DNAH14: variants seen among roughly 807,000 people sequenced by gnomAD.
The protein encoded by DNAH14 is axonemal beta dynein heavy chain 14.
Under a neutral mutation model 520.9 loss-of-function variants are expected in DNAH14, and 478 were observed. The ratio of observed to expected loss-of-function variants is 0.92; its 90% CI spans 0.85 to 0.99. The LOEUF (loss-of-function observed/expected upper bound fraction) is 0.99. Among genes scored for constraint, DNAH14 ranks in the 50% least tolerant of loss-of-function variants. The pLI, the probability that DNAH14 is intolerant of heterozygous loss-of-function variation, is 0.00. For synonymous variants in DNAH14, 1,581 were observed against 1,757.2 expected, an observed-to-expected ratio of 0.90 and a Z score of 2.51; for missense variants, 4,831 against 5,234.5, an observed-to-expected ratio of 0.92 and a Z score of 2.38.
intron 16 of DNAH14, among the ~76,000 whole-genome samples, chr1:225,050,771 A>C (rs2148307310): frequency 6.6e-6 from 1 of 152,320 alleles, no homozygotes; most frequent in South Asian, 2.1e-4. Context: ...GTGAGGTCAC[A>C]TACTATATAC....
At chr1:225,326,777 A>T (rs775097144) in intron 64 of DNAH14, among the ~76,000 whole-genome samples, 1 of 152,192 alleles carries the variant, frequency 6.6e-6, no homozygotes, top group Non-Finnish European at 1.5e-5. Context: ...TAGAAACTCT[A>T]TGTAAACAAA....
At chr1:224,965,123 A>G (rs2061080728) in intron 5 of DNAH14, among the ~76,000 whole-genome samples, 1 of 152,106 alleles carries the variant, frequency 6.6e-6, no homozygotes, top group Non-Finnish European at 1.5e-5. Flanking sequence ...ACATGACCAG[A>G]GGGTGAAAGC....
At chr1:225,213,754 T>C (rs1027079048) in intron 41 of DNAH14, among the ~76,000 whole-genome samples, 12 of 152,180 alleles carry the variant, frequency 7.9e-5, no homozygotes, top group African/African-American at 2.9e-4. Context: ...TGCATATTGA[T>C]TTTGTATTGT....
At chr1:225,314,622 G>C (rs1473162658) in intron 60 of DNAH14, among the ~76,000 whole-genome samples, 1 of 152,190 alleles carries the variant, frequency 6.6e-6, no homozygotes, top group African/African-American at 2.4e-5. Context: ...GCTCTTATAA[G>C]GTAGGCCTGA....
chr1:225,340,711 G>C lies in DNAH14; in HGVS notation c.10678+10G>C. The C allele has an allele frequency of 6.5e-7, 1 of 1,548,446 alleles. No homozygotes were observed. Among genetic ancestry groups the C allele is most frequent in the Non-Finnish European group, 8.7e-7 (1 of 1,145,270 alleles). ...CTGCAGAAAGCACTAGGTAAGTCAA[G>C]ATATTTAGTGATAGTAAGAGATCTT... On this transcript the variant is annotated intron_variant, in intron 69 of 85. Transcript: ENST00000682510.
intron 1 of DNAH14, among the ~76,000 whole-genome samples, chr1:224,941,690 G>A (rs971483147): frequency 6.6e-5 from 10 of 152,128 alleles, no homozygotes; most frequent in African/African-American, 2.4e-4. Context: ...TTTATACCAG[G>A]TGTAAGGAAG....
Position 225,030,629 on chromosome 1 carries a change from A to G in DNAH14, c.1358+6764A>G, listed in dbSNP as rs142611956. On this transcript the variant is annotated intron_variant, in intron 11 of 85. Transcript: ENST00000682510. ...ATCACTCCAGTAGTTTGTTGAAAAG[A>G]CTAATCTTCCTCCAGACAATTACCC... Among the ~76,000 whole-genome samples the G allele has an allele frequency of 7.3e-4, 111 of 152,078 alleles. 1 individual carries two copies. The highest frequency in any genetic ancestry group is 2.6e-3 in the African/African-American group (109 of 41,548).
rs544568651 is a variant in DNAH14, at chr1:225,235,139, C to T, written c.6518+3988C>T. Among the ~76,000 whole-genome samples the T allele has an allele frequency of 9.7e-4, 148 of 152,232 alleles. 2 individuals carry two copies. The South Asian group carries it at 0.013, about 13-fold the overall frequency. ...TCTTGTGCCAGTTTTCAAGAAGAAT[C>T]CCTCCAGCTTTTGCCCATTCAGTAT... On this transcript the variant is annotated intron_variant, in intron 42 of 85. Transcript: ENST00000682510.
At chr1:225,204,328 C>A in intron 39 of DNAH14, 55 bp downstream of exon 39, 1 of 984,106 alleles carries the variant, frequency 1.0e-6, no homozygotes, top group Non-Finnish European at 1.5e-6. Flanking sequence ...AACTCTCAAC[C>A]AATATGAGCT....
At position 225,089,467 on chromosome 1, in the gene DNAH14, AGAGC is replaced by A. The variant is rs796686087; in HGVS notation, c.3573+3682_3573+3685del. Among the ~76,000 whole-genome samples, 17 of 133,664 alleles carry A rather than the reference AGAGC, an allele frequency of 1.3e-4. 1 individual carries two copies. Among genetic ancestry groups the A allele is most frequent in the African/African-American group, 4.5e-4 (14 of 30,926 alleles). The allele number at this position is 133,664 out of a possible 152,430, so 87.7% of individuals were successfully genotyped here. ...CAAAAAAAAAAAAAAAAAAAAAAAG[AGAGC>A]GAGAGAAAGAAAAGAAAAGAAAAAA... On this transcript the variant is annotated intron_variant, in intron 21 of 85. Coordinates refer to ENST00000682510, the MANE Select transcript of DNAH14 (RefSeq NM_001367479.1).
At chr1:224,962,785 C>T (rs2060924787) in intron 4 of DNAH14, among the ~76,000 whole-genome samples, 1 of 152,074 alleles carries the variant, frequency 6.6e-6, no homozygotes, top group African/African-American at 2.4e-5. Context: ...GTTATGTGTT[C>T]CTTATATTTT....
chr1:225,036,641 C>T (rs1310330960), intron 11 of DNAH14, among the ~76,000 whole-genome samples: 1 of 152,084 alleles, frequency 6.6e-6, no homozygotes, highest in African/African-American at 2.4e-5. Context: ...CTTATTAAGG[C>T]CTACTGTTTT....
rs2074865116 is a variant in DNAH14 at position 225,095,408 on chromosome 1, AAAT to A, written c.3574-1708_3574-1706del. 3.3e-5 allele frequency among the ~76,000 whole-genome samples: 5 copies of A among 152,296 alleles called. 1 individual carries two copies. The South Asian group carries it at 1.0e-3, about 32-fold the overall frequency. On this transcript the variant is annotated intron_variant, in intron 21 of 85. Coordinates refer to ENST00000682510, the MANE Select transcript of DNAH14 (RefSeq NM_001367479.1). ...CAAACTAAGACAGGAACAGTAAACCAAATATTGCATGTTCTCACTCATAAATGG... is the reference window on the plus strand; with the variant it reads ...CAAACTAAGACAGGAACAGTAAACCAATTGCATGTTCTCACTCATAAATGG...
intron 69 of DNAH14, among the ~76,000 whole-genome samples, chr1:225,344,647 G>A (rs1160909914): frequency 6.6e-6 from 1 of 152,014 alleles, no homozygotes; most frequent in African/African-American, 2.4e-5. Flanking sequence ...CATTTAGGTT[G>A]ATTACATGCC....
rs758926789 is a variant in DNAH14 at position 225,207,133 on chromosome 1, A to G, written c.6352A>G (p.Met2118Val). The G allele has an allele frequency of 3.9e-6, 6 of 1,551,154 alleles. No individual in the cohort carries two copies. The highest frequency in any genetic ancestry group is 5.2e-6 in the Non-Finnish European group (6 of 1,146,630). The change falls in exon 41 of 86, where the codon ATG becomes GTG. Residue 2118 changes from methionine (M) to valine (V), a missense_variant. Coordinates refer to ENST00000682510, the MANE Select transcript of DNAH14 (RefSeq NM_001367479.1). ...RNRQKFQPYP[M>V]EDITVVITLC... ...TCGTCAGAAATTTCAGCCATATCCT[A>G]TGGAGGACATAACAGTCGTCATAAC...
rs141871038 is a variant in DNAH14, at chr1:225,344,700, T to TTTAC, written c.10679-1259_10679-1258insCTTA. ...TGAAAACTAGCCATTCTTTTATTTA[T>TTTAC]TTATTTATTTATTTATTTATTTATT... is the stretch of plus-strand genomic sequence containing the variant. On this transcript the variant is annotated intron_variant, in intron 69 of 85. Transcript: ENST00000682510. Among the ~76,000 whole-genome samples, 56 of 75,056 alleles carry TTTAC rather than the reference T, an allele frequency of 7.5e-4. 1 individual carries two copies. Among genetic ancestry groups the TTTAC allele is most frequent in the East Asian group, 7.1e-3 (13 of 1,830 alleles). The allele number at this position is 75,056 out of a possible 152,430, so 49.2% of individuals were successfully genotyped here. A position where few individuals can be genotyped will look rare whatever the true frequency, so the allele number is the denominator to read the frequency against.
At chr1:225,218,498 C>T (rs1024876596) in intron 41 of DNAH14, among the ~76,000 whole-genome samples, 1 of 144,930 alleles carries the variant, frequency 6.9e-6, no homozygotes, top group African/African-American at 2.5e-5. Context: ...AAAAAAAAAG[C>T]AGGGGTTGCA....
intron 61 of DNAH14, 139 bp downstream of exon 61, chr1:225,318,816 C>T: frequency 1.2e-6 from 1 of 820,832 alleles, no homozygotes; most frequent in Non-Finnish European, 1.8e-6. Context: ...GATTTTTTAC[C>T]CATCTTGGTT....
intron 1 of DNAH14, among the ~76,000 whole-genome samples, chr1:224,942,214 G>C (rs1473633429): frequency 1.5e-4 from 22 of 150,110 alleles, no homozygotes; most frequent in Middle Eastern, 3.2e-3. Flanking sequence ...TCCTTGAAGA[G>C]GTCCTTCACA....
Sources: allele counts gnomAD v4.1 joint callset (sites outside exome capture counted in the v4.1 genomes callset), GRCh38; gene constraint gnomAD v4.1.1; transcripts MANE v1.5; gene names NCBI Gene and HGNC (gene_info 2026-07-23, HGNC 2026-07-21).